The following LRRC58 variants were observed in gnomAD, a reference collection of about 807,000 sequenced individuals.
LRRC58 encodes the protein leucine rich repeat containing 58.
A neutral mutation model predicts 30.6 loss-of-function variants in LRRC58; 18 were observed. The observed-to-expected ratio is 0.59, with a 90% confidence interval of 0.41 to 0.87. The LOEUF (loss-of-function observed/expected upper bound fraction) is 0.87. Among genes scored for constraint, LRRC58 ranks in the 40% least tolerant of loss-of-function variants. LRRC58 has a pLI of 0.00. For missense variants in LRRC58, 420 were observed against 468.4 expected, an observed-to-expected ratio of 0.90 and a Z score of 0.95; for synonymous variants, 221 against 206.0, an observed-to-expected ratio of 1.07 and a Z score of -0.62.
At chr3:120,339,151 GCTC>G (rs978647926) in intron 1 of LRRC58, among the ~76,000 whole-genome samples, 5 of 151,922 alleles carry the variant, frequency 3.3e-5, no homozygotes, top group Non-Finnish European at 5.9e-5. Flanking sequence ...TTCTTATTGT[GCTC>G]CTCAAGTTTA....
intron 3 of LRRC58, among the ~76,000 whole-genome samples, chr3:120,332,649 A>C (rs1385326548): frequency 6.6e-6 from 1 of 152,252 alleles, no homozygotes; most frequent in Non-Finnish European, 1.5e-5. Context: ...ATCTCTGAGA[A>C]TATAAAAGTA....
chr3:120,335,164 C>T (rs1935817267), intron 2 of LRRC58, 25 bp from the exon 3 acceptor site: 1 of 1,594,330 alleles, frequency 6.3e-7, no homozygotes, highest in African/African-American at 1.3e-5. Context: ...GTAGAAAAAT[C>T]AATGGCAGTA....
chr3:120,335,915 T>A lies in LRRC58; in HGVS notation c.539A>T (p.Glu180Val), dbSNP rs1326410188. Residue 180 changes from glutamate to valine, a missense_variant, in exon 2 of 4, where the codon GAA becomes GTA. By Grantham distance (121) the Glu-to-Val change is moderately radical (BLOSUM62 -2). This residue lies in a region of LRRC58 where 266 missense variants were observed against 251.7 expected (regional missense o/e 1.06). Transcript: ENST00000295628. ...CLYLGGNFIK[E>V]IPPELGNLPS... is the part of the protein sequence containing the mutation. ...CAGATTTCCTAATTCTGGTGGGATT[T>A]CTTTAATGAAATTTCCTCCAAGATA... The A allele has an allele frequency of 6.3e-7, 1 of 1,598,370 alleles. No homozygotes were observed.
chr3:120,325,409 T>C lies in LRRC58; in HGVS notation c.*5791A>G, dbSNP rs1442615250. Reference sequence around the variant, plus strand: ...GCAGATGTTCTTTCCACCATAGGTTTGTGGTATGACAGTATATAAATAACC... The same window carrying C: ...GCAGATGTTCTTTCCACCATAGGTTCGTGGTATGACAGTATATAAATAACC... On this transcript the variant is annotated 3_prime_UTR_variant, in exon 4 of 4. Transcript: ENST00000295628. The C allele has an allele frequency of 2.0e-5, 3 of 152,212 alleles. No individual in the cohort carries two copies. Among genetic ancestry groups the C allele is most frequent in the Non-Finnish European group, 4.4e-5 (3 of 68,048 alleles). 9.4% of individuals were successfully genotyped at this position (152,212 alleles called of 1,614,324 possible). A position where few individuals can be genotyped will look rare whatever the true frequency, so the allele number is the denominator to read the frequency against.
chr3:120,340,280 T>C (rs1935889067), intron 1 of LRRC58, among the ~76,000 whole-genome samples: 1 of 152,228 alleles, frequency 6.6e-6, no homozygotes, highest in Non-Finnish European at 1.5e-5. Flanking sequence ...TCTTTCAGCT[T>C]ATGGATTCAT....
chr3:120,338,088 C>T (rs982740663), intron 1 of LRRC58, among the ~76,000 whole-genome samples: 1 of 152,166 alleles, frequency 6.6e-6, no homozygotes, highest in South Asian at 2.1e-4. Flanking sequence ...GGTGATCCGC[C>T]CACCTCAGCC....
chr3:120,337,065 G>GAT (rs1180654272), intron 1 of LRRC58, among the ~76,000 whole-genome samples: 6 of 152,042 alleles, frequency 3.9e-5, no homozygotes, highest in African/African-American at 1.4e-4. Flanking sequence ...AATTCCCTAT[G>GAT]ATATTTTTAA....
Position 120,349,210 on chromosome 3 carries a change from C to A in LRRC58, c.34G>T (p.Gly12Trp). Residue 12 changes from glycine to tryptophan, a missense_variant, in exon 1 of 4, where the codon GGG becomes TGG. Gly to Trp is a radical substitution (Grantham distance 184, BLOSUM62 -2). Coordinates refer to ENST00000295628, the MANE Select transcript of LRRC58 (RefSeq NM_001099678.2). Reference sequence around the variant, plus strand: ...CGGGACCAGTTCAGTTCGGCCTCCCCGGCCGTGACCACCGCTGCTCCGGCC... The same window carrying A: ...CGGGACCAGTTCAGTTCGGCCTCCCAGGCCGTGACCACCGCTGCTCCGGCC... ...EEAGAAVVTA[G>W]EAELNWSRLS... 1 of 1,436,410 alleles carries A rather than the reference C, an allele frequency of 7.0e-7. No individual in the cohort carries two copies. The highest frequency in any genetic ancestry group is 9.1e-7 in the Non-Finnish European group (1 of 1,100,450). The allele number at this position is 1,436,410 out of a possible 1,614,324, so 89.0% of individuals were successfully genotyped here.
rs769826192 is a variant in LRRC58 at position 120,335,893 on chromosome 3, A to T, written c.561T>A (p.Asn187Lys). 6.2e-7 allele frequency: 1 copy of T among 1,601,082 alleles called. No individual in the cohort carries two copies. The highest frequency in any genetic ancestry group is 1.1e-5 in the South Asian group (1 of 90,784). The part of the protein sequence containing the change: ...FIKEIPPELG[N>K]LPSLNYLVLC... ...ATACCAAATAATTCAGAGAAGGCAG[A>T]TTTCCTAATTCTGGTGGGATTTCTT... Residue 187 changes from asparagine to lysine, a missense_variant, in exon 2 of 4, where the codon AAT becomes AAA. Asn to Lys is a moderately conservative substitution (Grantham distance 94). Around this residue, in one of 2 missense-constraint regions of LRRC58, gnomAD observed 266 missense variants for 251.7 expected, o/e 1.06. Transcript: ENST00000295628.
Position 120,341,915 on chromosome 3 carries a change from G to C in LRRC58, c.501-5962C>G, listed in dbSNP as rs115005374. 3.9e-5 allele frequency among the ~76,000 whole-genome samples: 6 copies of C among 152,106 alleles called. No individual in the cohort carries two copies. In the East Asian group the frequency reaches 1.2e-3, roughly 29 times the overall value. On this transcript the variant is annotated intron_variant, in intron 1 of 3. Coordinates refer to ENST00000295628, the MANE Select transcript of LRRC58 (RefSeq NM_001099678.2). Reference sequence around the variant, plus strand: ...GGATCTGAGCCTCCCTGTGCTCTAGGGGGAGGGCTGGGAGCAGGCAGGACC... The same window carrying C: ...GGATCTGAGCCTCCCTGTGCTCTAGCGGGAGGGCTGGGAGCAGGCAGGACC...
Position 120,328,398 on chromosome 3 carries a change from C to G in LRRC58, c.*2802G>C, listed in dbSNP as rs1935710628. ...CTAATTCCAATTTCAAATACTAGCA[C>G]TGAAGAATGCCATTCTAAATATATT... On this transcript the variant is annotated 3_prime_UTR_variant, in exon 4 of 4. Coordinates refer to ENST00000295628, the MANE Select transcript of LRRC58 (RefSeq NM_001099678.2). 6.6e-6 allele frequency: 1 copy of G among 152,174 alleles called. No homozygotes were observed. Among genetic ancestry groups the G allele is most frequent in the Admixed American group, 6.5e-5 (1 of 15,282 alleles). The allele number at this position is 152,174 out of a possible 1,614,324, so 9.4% of individuals were successfully genotyped here. A position where few individuals can be genotyped will look rare whatever the true frequency, so the allele number is the denominator to read the frequency against.
chr3:120,337,164 G>A (rs1935846706), intron 1 of LRRC58, among the ~76,000 whole-genome samples: 1 of 152,066 alleles, frequency 6.6e-6, no homozygotes, highest in South Asian at 2.1e-4. Flanking sequence ...TAGAATATAA[G>A]GTGTAATTTT....
chr3:120,335,945 C>T lies in LRRC58; in HGVS notation c.509G>A (p.Cys170Tyr). Residue 170 changes from cysteine (C) to tyrosine (Y), a missense_variant, in exon 2 of 4, where the codon TGT becomes TAT. Coordinates refer to ENST00000295628, the MANE Select transcript of LRRC58 (RefSeq NM_001099678.2). ...AATGAAATTTCCTCCAAGATATAAA[C>T]ACTCTAAACTGCAAAAATAAATGAA... ...AEIENLQSLECLYLGGNFIKE... is the reference protein window; with the variant it reads ...AEIENLQSLEYLYLGGNFIKE... 1 of 1,577,846 alleles carries T rather than the reference C, an allele frequency of 6.3e-7. No homozygotes were observed.
intron 1 of LRRC58, among the ~76,000 whole-genome samples, chr3:120,341,063 T>C (rs1402724331): frequency 6.6e-6 from 1 of 152,260 alleles, no homozygotes; most frequent in Admixed American, 6.5e-5. Flanking sequence ...AAAGATTATC[T>C]TGCAGCAAAA....
At chr3:120,339,218 A>G (rs574544993) in intron 1 of LRRC58, among the ~76,000 whole-genome samples, 10 of 151,800 alleles carry the variant, frequency 6.6e-5, no homozygotes, top group Admixed American at 5.9e-4. Flanking sequence ...TGCTATTTCT[A>G]TTTTGCCAGG....
chr3:120,334,745 T>G, intron 3 of LRRC58, 117 bp downstream of exon 3: 4 of 977,234 alleles, frequency 4.1e-6, no homozygotes, highest in Non-Finnish European at 2.9e-6. Flanking sequence ...GTCTTTCTCA[T>G]AAATGAGTGA....
intron 1 of LRRC58, among the ~76,000 whole-genome samples, chr3:120,346,189 G>A (rs984752343): frequency 3.9e-5 from 6 of 152,094 alleles, no homozygotes; most frequent in East Asian, 1.9e-4. Context: ...CCCAGGAGGC[G>A]GAGATTGCAG....
At chr3:120,348,061 T>C (rs1341448072) in intron 1 of LRRC58, among the ~76,000 whole-genome samples, 1 of 151,760 alleles carries the variant, frequency 6.6e-6, no homozygotes, top group Admixed American at 6.6e-5. Flanking sequence ...ACGAAAAAAA[T>C]TGTTGTGCAG....
chr3:120,335,220 A>C (rs1257417751), intron 2 of LRRC58, 81 bp from the exon 3 acceptor site: 1 of 1,228,576 alleles, frequency 8.1e-7, no homozygotes, highest in African/African-American at 1.5e-5. Context: ...TGTATACAGA[A>C]CTTGATTTCC....
Sources: gnomAD v4.1 joint callset for allele counts (sites outside exome capture counted in the v4.1 genomes callset) on GRCh38, gnomAD v4.1.1 for gene constraint, gnomAD v4.1.1 regional missense constraint, MANE v1.5 for transcripts, NCBI Gene and HGNC (gene_info 2026-07-23, HGNC 2026-07-21) for gene names.